MISFA: variants seen among roughly 807,000 people sequenced by gnomAD.
The protein encoded by MISFA is mitochondrial sheath formation associated, also known as mitochondrial sheath formation-associated protein.
At chr11:18,605,178 T>C in the MISFA span, among the ~76,000 whole-genome samples, 1 of 151,730 alleles carries the variant, frequency 6.6e-6, no homozygotes, top group East Asian at 1.9e-4. Context: ...AGGTGGGGGT[T>C]ACAGTGAGCC....
At chr11:18,605,325 G>C in the MISFA span, among the ~76,000 whole-genome samples, 3 of 152,048 alleles carry the variant, frequency 2.0e-5, no homozygotes, top group African/African-American at 7.2e-5. Context: ...GGGAGCCTGA[G>C]AGAGACCTAA....
chr11:18,608,537 T>TC, the MISFA span: 2 of 152,298 alleles, frequency 1.3e-5, no homozygotes, highest in South Asian at 2.1e-4. Context: ...ATGTCTCACT[T>TC]CCCCTAAGCC....
chr11:18,606,208 G>A, the MISFA span, among the ~76,000 whole-genome samples: 2 of 152,278 alleles, frequency 1.3e-5, no homozygotes, highest in South Asian at 2.1e-4. Context: ...AAGCTGGTAG[G>A]GGGAGAGAAG....
the MISFA span, chr11:18,602,699 T>C: frequency 1.3e-5 from 2 of 158,592 alleles, no homozygotes; most frequent in Non-Finnish European, 2.8e-5. Context: ...CCAGGCTTTT[T>C]TTCTTTTGCA....
chr11:18,605,734 A>C, the MISFA span, among the ~76,000 whole-genome samples: 2 of 152,148 alleles, frequency 1.3e-5, no homozygotes, highest in East Asian at 1.9e-4. Context: ...TCTGTCACCC[A>C]GGATAGAGTG....
At chr11:18,609,789 C>CT in the MISFA span, 2 of 1,365,186 alleles carry the variant, frequency 1.5e-6, no homozygotes. Flanking sequence ...GATAAGGGGG[C>CT]TTCTTCAGTC....
chr11:18,603,246 C>T, the MISFA span: 16 of 398,874 alleles, frequency 4.0e-5, no homozygotes, highest in East Asian at 4.6e-4. Context: ...AATGTATTCC[C>T]GCCCCCAAAA....
the MISFA span, among the ~76,000 whole-genome samples, chr11:18,605,009 G>A: frequency 8.4e-3 from 1,283 of 152,234 alleles, 21 homozygotes; most frequent in African/African-American, 0.026. Context: ...TTGGGAGGCC[G>A]AGGCAGGCGG....
chr11:18,603,988 G>T, the MISFA span: 1 of 311,446 alleles, frequency 3.2e-6, no homozygotes, highest in Non-Finnish European at 5.7e-6. Context: ...GTGCAGTGGC[G>T]CGATCTCGGC....
At chr11:18,600,154 C>T in the MISFA span, among the ~76,000 whole-genome samples, 6 of 151,992 alleles carry the variant, frequency 3.9e-5, no homozygotes, top group African/African-American at 4.8e-5. Flanking sequence ...CCCAGGCTAC[C>T]GGGCTACTTC....
the MISFA span, chr11:18,601,794 C>T: frequency 2.8e-6 from 1 of 358,106 alleles, no homozygotes; most frequent in African/African-American, 2.1e-5. Flanking sequence ...AACTTTGTGA[C>T]TTTCTAGCTA....
chr11:18,600,627 T>A, the MISFA span, among the ~76,000 whole-genome samples: 1 of 150,376 alleles, frequency 6.6e-6, no homozygotes, highest in South Asian at 2.1e-4. Flanking sequence ...TTCATGCCAT[T>A]CTCCTGCCTC....
At chr11:18,603,211 A>G in the MISFA span, 1 of 398,960 alleles carries the variant, frequency 2.5e-6, no homozygotes, top group Admixed American at 4.4e-5. Flanking sequence ...TGTACCTTCA[A>G]CTTTGTTCTC....
At chr11:18,601,295 G>A in the MISFA span, 6 of 397,954 alleles carry the variant, frequency 1.5e-5, no homozygotes, top group Non-Finnish European at 2.7e-5. Context: ...ATAAACTGTG[G>A]AAGGGGAAAT....
the MISFA span, among the ~76,000 whole-genome samples, chr11:18,600,574 G>A: frequency 4.7e-5 from 6 of 126,922 alleles, no homozygotes; most frequent in Non-Finnish European, 9.3e-5. Flanking sequence ...AGGCTGGAAT[G>A]CAGTGGTGCG....
chr11:18,608,495 T>A, the MISFA span: 2 of 152,222 alleles, frequency 1.3e-5, no homozygotes, highest in Admixed American at 6.5e-5. Flanking sequence ...CCAAAACGTT[T>A]ATTGTAGAAC....
At chr11:18,603,764 C>T in the MISFA span, 2 of 399,052 alleles carry the variant, frequency 5.0e-6, no homozygotes, top group African/African-American at 2.1e-5. Context: ...TTCTTTTTTC[C>T]CCCACAGACT....
chr11:18,603,099 C>T, the MISFA span: 1 of 398,916 alleles, frequency 2.5e-6, no homozygotes, highest in Non-Finnish European at 4.4e-6. Flanking sequence ...GTGGGTACAC[C>T]ACCAGCTGAG....
chr11:18,609,648 G>A, the MISFA span: 2 of 571,416 alleles, frequency 3.5e-6, no homozygotes, highest in East Asian at 2.9e-5. Context: ...AAGAGCACAA[G>A]TGGGCATTAT....
Sources: allele counts gnomAD v4.1 joint callset (sites outside exome capture counted in the v4.1 genomes callset), GRCh38; gene constraint gnomAD v4.1.1; transcripts MANE v1.5; gene names NCBI Gene and HGNC (gene_info 2026-07-23, HGNC 2026-07-21).